Variants in PDZRN4 observed in about 807,000 individuals in gnomAD.
PDZRN4 encodes PDZ domain containing ring finger 4, also known as PDZ domain-containing RING finger protein 4.
A neutral mutation model predicts 99.0 loss-of-function variants in PDZRN4; 70 were observed. The ratio of observed to expected loss-of-function variants is 0.71; its 90% CI spans 0.58 to 0.86. The LOEUF (loss-of-function observed/expected upper bound fraction) is 0.86. PDZRN4 is among the 40% of genes least tolerant of loss of function. The pLI, the probability that PDZRN4 is intolerant of heterozygous loss-of-function variation, is 0.00. For synonymous variants in PDZRN4, 551 were observed against 501.6 expected, an observed-to-expected ratio of 1.10 and a Z score of -1.32; for missense variants, 1,474 against 1,331.2, an observed-to-expected ratio of 1.11 and a Z score of -1.67.
intron 3 of PDZRN4, among the ~76,000 whole-genome samples, chr12:41,378,172 G>T (rs570266992): frequency 1.3e-5 from 2 of 152,150 alleles, no homozygotes; most frequent in East Asian, 3.9e-4. Context: ...TTTGTTGAAG[G>T]TTTTTATCAA....
chr12:41,477,325 C>T (rs565080791), intron 3 of PDZRN4, among the ~76,000 whole-genome samples: 4 of 152,226 alleles, frequency 2.6e-5, no homozygotes, highest in East Asian at 3.9e-4. Context: ...AGTAAGTAGC[C>T]GTGATTGCAA....
At chr12:41,567,380 G>T (rs1388969880) in intron 8 of PDZRN4, among the ~76,000 whole-genome samples, 1 of 152,102 alleles carries the variant, frequency 6.6e-6, no homozygotes, top group Non-Finnish European at 1.5e-5. Context: ...CTCGTTGGGG[G>T]TTGTTGTTAA....
At chr12:41,398,862 ATAACT>A (rs1952269841) in intron 3 of PDZRN4, among the ~76,000 whole-genome samples, 1 of 152,154 alleles carries the variant, frequency 6.6e-6, no homozygotes, top group African/African-American at 2.4e-5. Flanking sequence ...TGCATGAATG[ATAACT>A]TAATTAATCT....
Position 41,432,777 on chromosome 12 carries a change from A to G in PDZRN4, c.844-73679A>G, listed in dbSNP as rs1357810725. Among the ~76,000 whole-genome samples, 3 of 152,306 alleles carry G rather than the reference A, an allele frequency of 2.0e-5. No homozygotes were observed. In the East Asian group the frequency reaches 5.8e-4, roughly 29 times the overall value. On this transcript the variant is annotated intron_variant, in intron 3 of 9. Coordinates refer to ENST00000402685, the MANE Select transcript of PDZRN4 (RefSeq NM_001164595.2). ...GAAGAAGGAGCCTTTAAACTGGACAATTGGGTGGATAGTTTAATTTGTGGG... is the reference window on the plus strand; with the variant it reads ...GAAGAAGGAGCCTTTAAACTGGACAGTTGGGTGGATAGTTTAATTTGTGGG...
At chr12:41,394,625 G>A (rs1952233279) in intron 3 of PDZRN4, among the ~76,000 whole-genome samples, 1 of 152,120 alleles carries the variant, frequency 6.6e-6, no homozygotes, top group South Asian at 2.1e-4. Flanking sequence ...TTCTACTGGG[G>A]AGATTTTGCT....
In PDZRN4 at chr12:41,404,096, C is replaced by A. The variant is rs985023709; in HGVS notation, c.844-102360C>A. On this transcript the variant is annotated intron_variant, in intron 3 of 9. Transcript: ENST00000402685. ...ACCATCTCTAGAATACTTATAATAC[C>A]TAATACAATGTAAATGATATATACA... 2.6e-5 allele frequency among the ~76,000 whole-genome samples: 4 copies of A among 152,176 alleles called. No individual in the cohort carries two copies. The South Asian group carries it at 8.3e-4, about 32-fold the overall frequency.
chr12:41,254,506 GTGT>G (rs574010520), intron 3 of PDZRN4, among the ~76,000 whole-genome samples: 536 of 152,322 alleles, frequency 3.5e-3, no homozygotes, highest in Admixed American at 0.01. Flanking sequence ...TTGATATTTA[GTGT>G]TGTTTGAATA....
At chr12:41,308,177 T>C (rs1343914871) in intron 3 of PDZRN4, among the ~76,000 whole-genome samples, 1 of 152,146 alleles carries the variant, frequency 6.6e-6, no homozygotes, top group African/African-American at 2.4e-5. Context: ...CCCTTTACCT[T>C]TTATTAAGGT....
At chr12:41,332,431 C>T (rs1378540027) in intron 3 of PDZRN4, among the ~76,000 whole-genome samples, 1 of 151,748 alleles carries the variant, frequency 6.6e-6, no homozygotes. Context: ...AAATGTGGTC[C>T]CAAGGCAGAA....
chr12:41,279,507 AG>A (rs1951370204), intron 3 of PDZRN4, among the ~76,000 whole-genome samples: 1 of 152,194 alleles, frequency 6.6e-6, no homozygotes, highest in South Asian at 2.1e-4. Flanking sequence ...AATAAGTAGG[AG>A]CCACTATTAT....
At chr12:41,440,105 A>G (rs1475216148) in intron 3 of PDZRN4, among the ~76,000 whole-genome samples, 1 of 152,162 alleles carries the variant, frequency 6.6e-6, no homozygotes, top group Admixed American at 6.6e-5. Flanking sequence ...ATAAGAGAGG[A>G]TACTATTTAC....
intron 3 of PDZRN4, among the ~76,000 whole-genome samples, chr12:41,302,758 T>A (rs1951544268): frequency 6.6e-6 from 1 of 152,066 alleles, no homozygotes; most frequent in South Asian, 2.1e-4. Flanking sequence ...TAACTCTTAG[T>A]TTATCAATTG....
At chr12:41,368,475 G>A (rs1426930057) in intron 3 of PDZRN4, among the ~76,000 whole-genome samples, 1 of 152,058 alleles carries the variant, frequency 6.6e-6, no homozygotes. Context: ...GTGAAAGGAT[G>A]AGTATTTGGT....
chr12:41,227,040 C>T (rs1950999689), intron 3 of PDZRN4, among the ~76,000 whole-genome samples: 1 of 152,066 alleles, frequency 6.6e-6, no homozygotes, highest in African/African-American at 2.4e-5. Flanking sequence ...TAACTTTTCC[C>T]TATCCAAATT....
intron 3 of PDZRN4, among the ~76,000 whole-genome samples, chr12:41,463,609 T>C (rs1312257543): frequency 6.6e-6 from 1 of 152,098 alleles, no homozygotes; most frequent in Non-Finnish European, 1.5e-5. Flanking sequence ...GTTTTACAGA[T>C]GTAAAGCACC....
intron 3 of PDZRN4, among the ~76,000 whole-genome samples, chr12:41,251,484 T>C (rs1182195467): frequency 6.6e-6 from 1 of 152,310 alleles, no homozygotes; most frequent in African/African-American, 2.4e-5. Flanking sequence ...GTATTTGTTC[T>C]TACTTCAATT....
At chr12:41,266,728 G>C (rs1397158914) in intron 3 of PDZRN4, among the ~76,000 whole-genome samples, 1 of 152,146 alleles carries the variant, frequency 6.6e-6, no homozygotes, top group Non-Finnish European at 1.5e-5. Flanking sequence ...TGAAGGCTGT[G>C]TAAATATCCA....
chr12:41,259,991 T>C (rs1262483067), intron 3 of PDZRN4, among the ~76,000 whole-genome samples: 1 of 152,184 alleles, frequency 6.6e-6, no homozygotes, highest in Non-Finnish European at 1.5e-5. Context: ...TTCTACTTTA[T>C]TTTAGAATAC....
intron 5 of PDZRN4, among the ~76,000 whole-genome samples, chr12:41,537,681 CAG>C (rs1184271268): frequency 2.0e-5 from 3 of 151,998 alleles, no homozygotes; most frequent in African/African-American, 7.3e-5. Context: ...ATTCATCAGG[CAG>C]TAATGTACCA....
Sources: allele counts gnomAD v4.1 joint callset (sites outside exome capture counted in the v4.1 genomes callset), GRCh38; gene constraint gnomAD v4.1.1; transcripts MANE v1.5; gene names NCBI Gene and HGNC (gene_info 2026-07-23, HGNC 2026-07-21).